The following YEATS2 variants were observed in gnomAD, a reference collection of about 807,000 sequenced individuals.
YEATS2 encodes the protein YEATS domain-containing protein 2.
A neutral mutation model predicts 163.2 loss-of-function variants in YEATS2; 77 were observed. The ratio of observed to expected loss-of-function variants is 0.47; its 90% CI spans 0.39 to 0.57. YEATS2 has a LOEUF of 0.57. Among genes scored for constraint, YEATS2 ranks in the 20% least tolerant of loss-of-function variants. The probability of loss-of-function intolerance (pLI) is 0.00; values close to 1 mark genes in which losing one functional copy is unlikely to be tolerated. For missense variants in YEATS2, 1,549 were observed against 1,729.8 expected (o/e 0.90, Z 1.85); for synonymous variants, 631 against 645.1 (o/e 0.98, Z 0.33).
At chr3:183,714,096 C>A (rs1715557936) in intron 1 of YEATS2, among the ~76,000 whole-genome samples, 2 of 152,108 alleles carry the variant, frequency 1.3e-5, no homozygotes, top group South Asian at 2.1e-4. Flanking sequence ...AGCGACCACA[C>A]CCGGCCCATA....
rs565612279 is a variant in YEATS2, at chr3:183,783,649, C to T, written c.2737-2476C>T. 3.3e-5 allele frequency among the ~76,000 whole-genome samples: 5 copies of T among 152,258 alleles called. No homozygotes were observed. In the East Asian group the frequency reaches 9.6e-4, roughly 29 times the overall value. ...CCACTTGTAAGTGAGAACATGTAGC[C>T]TTTGGTTTTCTGTCCTGCATTCATT... On this transcript the variant is annotated intron_variant, in intron 19 of 30. Transcript: ENST00000305135.
chr3:183,794,741 TG>T (rs1436339042), intron 21 of YEATS2, among the ~76,000 whole-genome samples: 4 of 152,152 alleles, frequency 2.6e-5, no homozygotes, highest in African/African-American at 9.7e-5. Context: ...AGTCAACCAT[TG>T]TAAGGGAACA....
chr3:183,742,236 G>GA (rs1009977721), intron 8 of YEATS2, among the ~76,000 whole-genome samples: 1 of 151,792 alleles, frequency 6.6e-6, no homozygotes, highest in Admixed American at 6.6e-5. Context: ...TAAAAAAAAG[G>GA]AAAAAAATAT....
intron 1 of YEATS2, among the ~76,000 whole-genome samples, chr3:183,702,649 C>T (rs895352943): frequency 6.6e-6 from 1 of 151,762 alleles, no homozygotes; most frequent in African/African-American, 2.4e-5. Flanking sequence ...CCAGACTGAC[C>T]AATATGGTGA....
chr3:183,765,992 A>G (rs1721868891), intron 15 of YEATS2, among the ~76,000 whole-genome samples: 1 of 152,222 alleles, frequency 6.6e-6, no homozygotes, highest in Admixed American at 6.5e-5. Flanking sequence ...GTGGCAAAAA[A>G]TGGCACTGTT....
chr3:183,745,552 T>C (rs1719442705), intron 8 of YEATS2, among the ~76,000 whole-genome samples: 2 of 152,226 alleles, frequency 1.3e-5, no homozygotes, highest in Admixed American at 1.3e-4. Context: ...TCCTGGCTGT[T>C]AAAGCCTGAA....
chr3:183,799,118 C>A, intron 23 of YEATS2, 129 bp downstream of exon 23: 1 of 758,644 alleles, frequency 1.3e-6, no homozygotes, highest in Non-Finnish European at 2.3e-6. Flanking sequence ...GAATTTTCAG[C>A]ATTTGTGAAT....
chr3:183,699,463 A>C (rs960281824), intron 1 of YEATS2, among the ~76,000 whole-genome samples: 3 of 151,902 alleles, frequency 2.0e-5, no homozygotes, highest in Non-Finnish European at 4.4e-5. Flanking sequence ...CTGAAATCCC[A>C]GCACTTTGAG....
At chr3:183,717,854 T>C in intron 3 of YEATS2, 106 bp downstream of exon 3, 1 of 418,104 alleles carries the variant, frequency 2.4e-6, no homozygotes, top group Non-Finnish European at 3.9e-6. Flanking sequence ...TTTATCCTCC[T>C]CTTTGCTTTT....
chr3:183,725,761 A>G (rs890127470), intron 6 of YEATS2, among the ~76,000 whole-genome samples: 34 of 152,230 alleles, frequency 2.2e-4, no homozygotes, highest in African/African-American at 7.5e-4. Context: ...CAGCCAAACC[A>G]TATCGGCCAT....
chr3:183,783,550 C>T (rs931611969), intron 19 of YEATS2, among the ~76,000 whole-genome samples: 1 of 152,142 alleles, frequency 6.6e-6, no homozygotes, highest in Admixed American at 6.5e-5. Flanking sequence ...TTAACCCTTC[C>T]CTCCCTGCCC....
intron 18 of YEATS2, among the ~76,000 whole-genome samples, chr3:183,776,715 A>T (rs1039746075): frequency 2.6e-5 from 4 of 152,150 alleles, no homozygotes; most frequent in Admixed American, 2.6e-4. Flanking sequence ...GCATTCTGGG[A>T]GGCCGAGGCA....
At chr3:183,736,353 GT>G (rs1223371586) in intron 7 of YEATS2, among the ~76,000 whole-genome samples, 1 of 152,150 alleles carries the variant, frequency 6.6e-6, no homozygotes, top group Non-Finnish European at 1.5e-5. Context: ...AGGGTTTAGG[GT>G]AGGGAGCATA....
intron 1 of YEATS2, among the ~76,000 whole-genome samples, chr3:183,701,680 G>A (rs1318767234): frequency 6.6e-6 from 1 of 152,168 alleles, no homozygotes; most frequent in Admixed American, 6.5e-5. Context: ...AGGCACATGA[G>A]CCACTGTGCC....
At position 183,756,524 on chromosome 3, in the gene YEATS2, T is replaced by C; in HGVS notation, c.1391-4T>C. The C allele has an allele frequency of 1.3e-6, 2 of 1,537,678 alleles. No individual in the cohort carries two copies. Among genetic ancestry groups the C allele is most frequent in the Non-Finnish European group, 1.7e-6 (2 of 1,144,986 alleles). On this transcript the variant is annotated splice_region_variant and splice_polypyrimidine_tract_variant and intron_variant, in intron 11 of 30. Coordinates refer to ENST00000305135, the MANE Select transcript of YEATS2 (RefSeq NM_018023.5). ...GTTTGTATTCTCTCTTTTTAATTAA[T>C]AAGGTTCCCCAATATCAACTCCAAG... is the stretch of plus-strand genomic sequence containing the variant.
At chr3:183,707,426 G>T (rs147192305) in intron 1 of YEATS2, among the ~76,000 whole-genome samples, 2 of 152,132 alleles carry the variant, frequency 1.3e-5, no homozygotes, top group Non-Finnish European at 2.9e-5. Context: ...CGATTTGTTC[G>T]TCCATTCCTC....
chr3:183,703,692 A>G (rs149925860), intron 1 of YEATS2, among the ~76,000 whole-genome samples: 20 of 152,286 alleles, frequency 1.3e-4, no homozygotes, highest in African/African-American at 4.6e-4. Context: ...TGCATGCCTA[A>G]TGATTTTCTC....
intron 28 of YEATS2, chr3:183,807,629 G>T: frequency 4.7e-6 from 1 of 214,982 alleles, no homozygotes; most frequent in African/African-American, 2.3e-5. Flanking sequence ...AGGGCCCAAG[G>T]TGAAAGACAG....
chr3:183,799,834 T>G (rs1338764532), intron 23 of YEATS2, among the ~76,000 whole-genome samples: 1 of 134,194 alleles, frequency 7.5e-6, no homozygotes, highest in East Asian at 2.6e-4. Flanking sequence ...TTTTTTTTCT[T>G]TTTTTTTTTT....
Sources: allele counts gnomAD v4.1 joint callset (sites outside exome capture counted in the v4.1 genomes callset), GRCh38; gene constraint gnomAD v4.1.1; transcripts MANE v1.5; gene names NCBI Gene and HGNC (gene_info 2026-07-23, HGNC 2026-07-21).